Variants in SLC6A18 observed in about 807,000 individuals in gnomAD.
SLC6A18 encodes inactive sodium-dependent neutral amino acid transporter B(0)AT3.
A neutral mutation model predicts 62.9 loss-of-function variants in SLC6A18; 58 were observed. That is an observed-to-expected ratio of 0.92 (90% CI 0.75 to 1.15). The LOEUF (loss-of-function observed/expected upper bound fraction) is 1.15, where lower values mean the gene tolerates loss of function less well. SLC6A18 is among the 50% of genes most tolerant of loss of function. SLC6A18 has a pLI of 0.00. For synonymous variants in SLC6A18, 382 were observed against 365.8 expected (o/e 1.04, Z -0.51); for missense variants, 793 against 836.6 (o/e 0.95, Z 0.64).
At position 1,244,308 on chromosome 5, in the gene SLC6A18, C is replaced by T. The variant is rs759780790; in HGVS notation, c.1431C>T (p.Ser477=). 6.9e-5 allele frequency: 112 copies of T among 1,613,954 alleles called. No homozygotes were observed. The highest frequency in any genetic ancestry group is 9.4e-5 in the Non-Finnish European group (111 of 1,180,016). ...WLEIFDNFAA[S]PNLLMLAFLE... ...AGATTTTCGACAATTTTGCCGCTTCCCCGAACCTGCTCATGTTGGCCTTTC... is the reference window on the plus strand; with the variant it reads ...AGATTTTCGACAATTTTGCCGCTTCTCCGAACCTGCTCATGTTGGCCTTTC... Residue 477 remains serine (S), a synonymous_variant, in exon 10 of 12, where the codon TCC becomes TCT. Transcript: ENST00000324642.
chr5:1,243,658 C>T lies in SLC6A18; in HGVS notation c.1235C>T (p.Thr412Ile), dbSNP rs767932255. 25 of 1,614,114 alleles carry T rather than the reference C, an allele frequency of 1.5e-5. No individual in the cohort carries two copies. Among genetic ancestry groups the T allele is most frequent in the Middle Eastern group, 3.3e-4 (2 of 6,062 alleles). ...ATGCTCTTCTTCGGGATGCTGTTCA[C>T]CTTGGGGCTATCGACCATGTTCGGG... The part of the protein sequence containing the change: ...WAMLFFGMLF[T>I]LGLSTMFGTV... The change falls in exon 9 of 12, where the codon ACC becomes ATC. Residue 412 changes from threonine (T) to isoleucine (I), a missense_variant. Coordinates refer to ENST00000324642, the MANE Select transcript of SLC6A18 (RefSeq NM_182632.3). The surrounding 1 kb of genome is among the most constrained non-coding windows in gnomAD (Gnocchi z 6.5).
chr5:1,244,688 T>C lies in SLC6A18; in HGVS notation c.1577T>C (p.Leu526Pro). ...WRLTWRVVSP[L>P]LLTIFVAYII... ...CTGACCTGGAGGGTGGTCAGTCCCCTGCTGCTGACCATCTTTGTGGCTTAC... is the reference window on the plus strand; with the variant it reads ...CTGACCTGGAGGGTGGTCAGTCCCCCGCTGCTGACCATCTTTGTGGCTTAC... Residue 526 changes from leucine to proline, a missense_variant, in exon 11 of 12, where the codon CTG (leucine) becomes CCG (proline). Physicochemically the swap from Leu to Pro is moderately conservative, Grantham distance 98. Coordinates refer to ENST00000324642, the MANE Select transcript of SLC6A18 (RefSeq NM_182632.3). 1 of 1,613,326 alleles carries C rather than the reference T, an allele frequency of 6.2e-7. No individual in the cohort carries two copies. The highest frequency in any genetic ancestry group is 8.5e-7 in the Non-Finnish European group (1 of 1,179,384).
Position 1,242,780 on chromosome 5 carries a change from C to T in SLC6A18, c.1048C>T (p.Leu350Phe). The T allele has an allele frequency of 1.2e-6, 2 of 1,614,064 alleles. No individual in the cohort carries two copies. Among genetic ancestry groups the T allele is most frequent in the Non-Finnish European group, 1.7e-6 (2 of 1,179,934 alleles). Reference protein sequence around the residue: ...SISRDDYPAVLMHLNATWPKR... With the variant: ...SISRDDYPAVFMHLNATWPKR... ...CTCCAGGGACGACTACCCAGCCGTC[C>T]TCATGCACCTGAACGCCACCTGGCC... The change falls in exon 8 of 12, where the codon CTC (leucine) becomes TTC (phenylalanine). Residue 350 changes from leucine to phenylalanine, a missense_variant. Transcript: ENST00000324642.
chr5:1,240,387 T>C, intron 6 of SLC6A18, 144 bp from the exon 7 acceptor site: 1 of 1,240,694 alleles, frequency 8.1e-7, no homozygotes, highest in Middle Eastern at 2.0e-4. Context: ...ACTCCAGGAC[T>C]GGCAGCAGCA....
intron 3 of SLC6A18, among the ~76,000 whole-genome samples, chr5:1,234,025 G>A (rs976987034): frequency 9.9e-5 from 15 of 152,178 alleles, no homozygotes; most frequent in Admixed American, 2.6e-4. Context: ...ACAGGCGTGA[G>A]CCACCGCGCC....
rs1336391049 is a variant in SLC6A18 at position 1,242,962 on chromosome 5, C to T, written c.1131+99C>T. The T allele has an allele frequency of 5.8e-6, 8 of 1,378,712 alleles. No individual in the cohort carries two copies. The South Asian group carries it at 7.4e-5, about 13-fold the overall frequency. The allele number at this position is 1,378,712 out of a possible 1,614,324, so 85.4% of individuals were successfully genotyped here. A position where few individuals can be genotyped will look rare whatever the true frequency, so the allele number is the denominator to read the frequency against. ...ACTGCCAAAGGCTGCAAACAATTCC[C>T]ACAGACCCAGGGCCAGGGCCTGTGA... On this transcript the variant is annotated intron_variant, in intron 8 of 11. Transcript: ENST00000324642.
intron 11 of SLC6A18, 110 bp downstream of exon 11, chr5:1,244,877 T>C: frequency 7.8e-7 from 1 of 1,289,228 alleles, no homozygotes; most frequent in Non-Finnish European, 1.1e-6. Context: ...ATTCACGTGC[T>C]AGTGACAAGG....
At chr5:1,237,377 C>T (rs1411811087) in intron 4 of SLC6A18, among the ~76,000 whole-genome samples, 1 of 151,498 alleles carries the variant, frequency 6.6e-6, no homozygotes, top group Non-Finnish European at 1.5e-5. Flanking sequence ...AGACCCTTGT[C>T]TACAGCTGAT....
chr5:1,238,826 G>C (rs187393482), intron 5 of SLC6A18, among the ~76,000 whole-genome samples: 5 of 152,326 alleles, frequency 3.3e-5, no homozygotes, highest in Admixed American at 2.0e-4. Context: ...CTCCACCAAG[G>C]GCCTTGTCCA....
intron 1 of SLC6A18, among the ~76,000 whole-genome samples, chr5:1,226,514 C>G (rs1378470480): frequency 6.6e-6 from 1 of 152,234 alleles, no homozygotes. Context: ...CCCCGCACAA[C>G]TATCCCTTGT....
rs1747052360 is a variant in SLC6A18, at chr5:1,241,208, C to A, written c.974+549C>A. Reference sequence around the variant, plus strand: ...TGATGCAGTTAGGTTGTCCCCTGCACAGGCAGCTGCCTCGTCAGACCCACG... The same window carrying A: ...TGATGCAGTTAGGTTGTCCCCTGCAAAGGCAGCTGCCTCGTCAGACCCACG... On this transcript the variant is annotated intron_variant, in intron 7 of 11. Coordinates refer to ENST00000324642, the MANE Select transcript of SLC6A18 (RefSeq NM_182632.3). The surrounding 1 kb of genome is among the most constrained non-coding windows in gnomAD (Gnocchi z 7.8). 6.6e-6 allele frequency among the ~76,000 whole-genome samples: 1 copy of A among 152,232 alleles called. No homozygotes were observed. Among genetic ancestry groups the A allele is most frequent in the Admixed American group, 6.5e-5 (1 of 15,280 alleles).
Position 1,240,593 on chromosome 5 carries a change from C to T in SLC6A18, c.908C>T (p.Ala303Val), listed in dbSNP as rs751831237. 32 of 1,614,030 alleles carry T rather than the reference C, an allele frequency of 2.0e-5. No homozygotes were observed. In the South Asian group the frequency reaches 2.4e-4, roughly 12 times the overall value. The change falls in exon 7 of 12, where the codon GCG becomes GTG. Residue 303 changes from alanine (A) to valine (V), a missense_variant. By Grantham distance (64) the Ala-to-Val change is moderately conservative. Coordinates refer to ENST00000324642, the MANE Select transcript of SLC6A18 (RefSeq NM_182632.3). The stretch of plus-strand genomic sequence containing the variant: ...GTCAACAGGATGACCTCCCTGTACG[C>T]GTCCATCGCTGTCTTCTCTGTCCTG... ...ALVNRMTSLY[A>V]SIAVFSVLGF...
Position 1,242,330 on chromosome 5 carries a change from C to T in SLC6A18, c.975-377C>T, listed in dbSNP as rs541925049. Among the ~76,000 whole-genome samples, 7 of 152,266 alleles carry T rather than the reference C, an allele frequency of 4.6e-5. No individual in the cohort carries two copies. In the South Asian group the frequency reaches 1.0e-3, roughly 23 times the overall value. ...CAGTGCCGCCCTGTCACAGCACAGA[C>T]GTCCACACGATCCCAACAGGGGCAG... On this transcript the variant is annotated intron_variant, in intron 7 of 11. Transcript: ENST00000324642.
intron 4 of SLC6A18, among the ~76,000 whole-genome samples, chr5:1,237,544 G>C (rs909158065): frequency 6.6e-6 from 1 of 152,160 alleles, no homozygotes; most frequent in South Asian, 2.1e-4. Flanking sequence ...CCAAAGCAGG[G>C]AAAGGATATG....
At chr5:1,229,028 G>A (rs951080893) in intron 1 of SLC6A18, among the ~76,000 whole-genome samples, 6 of 152,190 alleles carry the variant, frequency 3.9e-5, no homozygotes, top group Middle Eastern at 3.2e-3. Flanking sequence ...CACGCAGGCC[G>A]GGGAAAGTGC....
intron 11 of SLC6A18, 39 bp from the exon 12 acceptor site, chr5:1,245,809 G>A (rs1747201694): frequency 6.4e-7 from 1 of 1,571,490 alleles, no homozygotes; most frequent in Non-Finnish European, 8.6e-7. Context: ...TCACGGCCCA[G>A]GGTGGCCGGC....
In SLC6A18 at chr5:1,239,575, G is replaced by T. The variant is rs1746999533; in HGVS notation, c.845+13G>T. On this transcript the variant is annotated intron_variant, in intron 6 of 11. Coordinates refer to ENST00000324642, the MANE Select transcript of SLC6A18 (RefSeq NM_182632.3). ...ACAACTCGCCCAGGTAGGCAGTCGGGCTCAGCTGTCCAGCCAGGGAAGCTT... is the reference window on the plus strand; with the variant it reads ...ACAACTCGCCCAGGTAGGCAGTCGGTCTCAGCTGTCCAGCCAGGGAAGCTT... 6.2e-7 allele frequency: 1 copy of T among 1,600,950 alleles called. No homozygotes were observed. Among genetic ancestry groups the T allele is most frequent in the Admixed American group, 1.7e-5 (1 of 59,982 alleles).
chr5:1,246,035 C>G lies in SLC6A18; in HGVS notation c.1844C>G (p.Thr615Arg). 1 of 1,592,782 alleles carries G rather than the reference C, an allele frequency of 6.3e-7. No individual in the cohort carries two copies. Among genetic ancestry groups the G allele is most frequent in the Non-Finnish European group, 8.5e-7 (1 of 1,175,208 alleles). ...ACGGACATGCGCCCGGACACGGACA[C>G]GCGCCCAGACACGGACATGCGCCCG... ...PDTDMRPDTD[T>R]RPDTDMRPDT... Residue 615 changes from threonine (T) to arginine (R), a missense_variant, in exon 12 of 12, where the codon ACG (threonine) becomes AGG (arginine). Transcript: ENST00000324642.
chr5:1,233,304 C>A (rs908889400), intron 3 of SLC6A18, among the ~76,000 whole-genome samples: 1 of 152,074 alleles, frequency 6.6e-6, no homozygotes, highest in Non-Finnish European at 1.5e-5. Flanking sequence ...ATGGTGAAAC[C>A]CCATCTCTAC....
Sources: gnomAD v4.1 joint callset for allele counts (sites outside exome capture counted in the v4.1 genomes callset) on GRCh38, gnomAD v4.1.1 for gene constraint, Gnocchi (gnomAD v3.1) non-coding constraint, MANE v1.5 for transcripts, NCBI Gene and HGNC (gene_info 2026-07-23, HGNC 2026-07-21) for gene names.